Variants in ARHGAP15 observed in about 807,000 individuals in gnomAD.
ARHGAP15 encodes the protein Rho GTPase activating protein 15, also known as rho GTPase-activating protein 15.
ARHGAP15 carries 51 observed loss-of-function variants against 63.7 expected under a neutral mutation model. The ratio of observed to expected loss-of-function variants is 0.80; its 90% confidence interval spans 0.64 to 1.01. The LOEUF is 1.01. Among genes scored for constraint, ARHGAP15 ranks in the 50% least tolerant of loss-of-function variants. The pLI, the probability that ARHGAP15 is intolerant of heterozygous loss-of-function variation, is 0.00. For missense variants in ARHGAP15, 560 were observed against 564.6 expected, an observed-to-expected ratio of 0.99 and a Z score of 0.08; for synonymous variants, 191 against 193.8, an observed-to-expected ratio of 0.99 and a Z score of 0.12.
In ARHGAP15 at chr2:143,607,184, A is replaced by G. The variant is rs1698071627; in HGVS notation, c.1004-16949A>G. On this transcript the variant is annotated intron_variant, in intron 11 of 13. Transcript: ENST00000295095. The stretch of plus-strand genomic sequence containing the variant: ...GCTGCTCTAACTTGGGAGAAGAATC[A>G]GCACCAAAATTCTATGATGTTTCAG... Among the ~76,000 whole-genome samples the G allele has an allele frequency of 2.0e-5, 3 of 152,218 alleles. No individual in the cohort carries two copies. The South Asian group carries it at 6.2e-4, about 32-fold the overall frequency.
chr2:143,191,286 T>C (rs1691677241), intron 2 of ARHGAP15, among the ~76,000 whole-genome samples: 1 of 152,192 alleles, frequency 6.6e-6, no homozygotes, highest in African/African-American at 2.4e-5. Context: ...ATGTCAAAGC[T>C]CCTAAGAGAA....
intron 6 of ARHGAP15, among the ~76,000 whole-genome samples, chr2:143,347,544 A>G (rs981714918): frequency 6.6e-6 from 1 of 152,170 alleles, no homozygotes; most frequent in Non-Finnish European, 1.5e-5. Context: ...TGATGATATC[A>G]TTAGGCAAAG....
At chr2:143,635,194 C>CTTTTTTTTTTTTTTTTT (rs10558886) in intron 12 of ARHGAP15, among the ~76,000 whole-genome samples, 1 of 26,882 alleles carries the variant, frequency 3.7e-5, no homozygotes. Context: ...CTCTCAGGAG[C>CTTTTTTTTTTTTTTTTT]TTTTTTTTTT....
At chr2:143,255,275 G>A (rs968639538) in intron 6 of ARHGAP15, among the ~76,000 whole-genome samples, 19 of 151,682 alleles carry the variant, frequency 1.3e-4, no homozygotes, top group African/African-American at 3.6e-4. Flanking sequence ...TCCTCCCCCC[G>A]CCACCACCAA....
intron 13 of ARHGAP15, among the ~76,000 whole-genome samples, chr2:143,713,880 G>A (rs1035089973): frequency 3.9e-5 from 6 of 152,184 alleles, no homozygotes; most frequent in Non-Finnish European, 4.4e-5. Context: ...TGGCTTTGCA[G>A]GGTACAGCCT....
At chr2:143,456,630 TTAA>T (rs1389901258) in intron 8 of ARHGAP15, among the ~76,000 whole-genome samples, 2 of 151,998 alleles carry the variant, frequency 1.3e-5, no homozygotes, top group African/African-American at 4.8e-5. Context: ...CAGTTATATG[TTAA>T]TAATTTTATA....
intron 3 of ARHGAP15, among the ~76,000 whole-genome samples, chr2:143,209,042 T>G (rs6728893): frequency 0.17 from 25,982 of 152,056 alleles, 2,428 homozygotes; most frequent in Middle Eastern, 0.25. Flanking sequence ...GATATCATTT[T>G]GTGGATTAAT....
At chr2:143,519,764 T>A (rs1447269664) in intron 10 of ARHGAP15, among the ~76,000 whole-genome samples, 1 of 152,222 alleles carries the variant, frequency 6.6e-6, no homozygotes, top group Admixed American at 6.5e-5. Context: ...GCAAATAGCA[T>A]TCTGAATCAC....
chr2:143,441,263 T>C (rs190596290), intron 8 of ARHGAP15, among the ~76,000 whole-genome samples: 32 of 152,192 alleles, frequency 2.1e-4, no homozygotes, highest in Non-Finnish European at 3.5e-4. Context: ...ATGGGAGTCA[T>C]AGCTGCAAAA....
At position 143,764,116 on chromosome 2, in the gene ARHGAP15, C is replaced by T. The variant is rs183880924; in HGVS notation, c.1245-3873C>T. 2.0e-5 allele frequency among the ~76,000 whole-genome samples: 3 copies of T among 152,024 alleles called. No individual in the cohort carries two copies. In the East Asian group the frequency reaches 5.8e-4, roughly 29 times the overall value. ...AGTTTTATTAAAAGCAAATGGAAAACGTGCAGGGAAATGGACATAAAGGAT... is the reference window on the plus strand; with the variant it reads ...AGTTTTATTAAAAGCAAATGGAAAATGTGCAGGGAAATGGACATAAAGGAT... On this transcript the variant is annotated intron_variant, in intron 13 of 13. Coordinates refer to ENST00000295095, the MANE Select transcript of ARHGAP15 (RefSeq NM_018460.4).
intron 1 of ARHGAP15, among the ~76,000 whole-genome samples, chr2:143,145,726 G>A (rs941703837): frequency 1.1e-4 from 16 of 151,876 alleles, no homozygotes; most frequent in African/African-American, 1.9e-4. Context: ...TGAACCTTTC[G>A]TCACCACGTG....
chr2:143,612,152 C>T (rs1312144320), intron 11 of ARHGAP15, among the ~76,000 whole-genome samples: 1 of 152,180 alleles, frequency 6.6e-6, no homozygotes, highest in African/African-American at 2.4e-5. Context: ...TTACACTTTT[C>T]CCTGGCTTCC....
At chr2:143,399,896 G>A (rs903073557) in intron 6 of ARHGAP15, among the ~76,000 whole-genome samples, 1 of 151,958 alleles carries the variant, frequency 6.6e-6, no homozygotes, top group African/African-American at 2.4e-5. Context: ...GTTGAAATGT[G>A]ATTATAAACT....
chr2:143,251,551 T>C (rs1680159336), intron 6 of ARHGAP15, among the ~76,000 whole-genome samples: 1 of 152,080 alleles, frequency 6.6e-6, no homozygotes, highest in Admixed American at 6.6e-5. Flanking sequence ...ATTTTCCAGA[T>C]GCTATTCAGG....
intron 11 of ARHGAP15, among the ~76,000 whole-genome samples, chr2:143,619,201 A>G (rs551902174): frequency 1.3e-5 from 2 of 152,328 alleles, no homozygotes; most frequent in African/African-American, 4.8e-5. Flanking sequence ...TTCATCTTTC[A>G]GTTCTTTTTA....
intron 2 of ARHGAP15, among the ~76,000 whole-genome samples, chr2:143,159,038 C>G (rs1158844231): frequency 1.3e-5 from 2 of 151,904 alleles, no homozygotes; most frequent in Admixed American, 1.3e-4. Flanking sequence ...GCATTTAATG[C>G]TGGTGTCTTA....
At chr2:143,374,807 G>A (rs1686731039) in intron 6 of ARHGAP15, among the ~76,000 whole-genome samples, 2 of 152,066 alleles carry the variant, frequency 1.3e-5, no homozygotes, top group Admixed American at 1.3e-4. Context: ...CTGGCCATAG[G>A]TACTTCTGGA....
chr2:143,372,513 T>C (rs1195262446), intron 6 of ARHGAP15, among the ~76,000 whole-genome samples: 1 of 152,078 alleles, frequency 6.6e-6, no homozygotes, highest in Non-Finnish European at 1.5e-5. Context: ...AAATAAGATA[T>C]CACATTAATG....
chr2:143,145,837 GGGGTGTGTGTGTGT>G (rs1181214671), intron 1 of ARHGAP15, among the ~76,000 whole-genome samples: 52 of 96,724 alleles, frequency 5.4e-4, no homozygotes, highest in African/African-American at 2.0e-3. Context: ...TATATGTATA[GGGGTGTGTGTGTGT>G]GTGTGTGTGT....
Sources: allele counts gnomAD v4.1 joint callset (sites outside exome capture counted in the v4.1 genomes callset), GRCh38; gene constraint gnomAD v4.1.1; transcripts MANE v1.5; gene names NCBI Gene and HGNC (gene_info 2026-07-23, HGNC 2026-07-21).